ACER3: variants seen among roughly 807,000 people sequenced by gnomAD.
The protein encoded by ACER3 is alkaline ceramidase 3, also known as alkCDase 3.
A neutral mutation model predicts 48.9 loss-of-function variants in ACER3; 16 were observed. That is an observed-to-expected ratio of 0.33 (90% confidence interval 0.22 to 0.50). ACER3 has a LOEUF of 0.50. Among genes scored for constraint, ACER3 ranks in the 20% least tolerant of loss-of-function variants. The pLI is 0.98. For missense variants in ACER3, 227 were observed against 326.0 expected, an observed-to-expected ratio of 0.70 and a Z score of 2.34; for synonymous variants, 109 against 107.8, an observed-to-expected ratio of 1.01 and a Z score of -0.07.
chr11:77,005,994 T>TATATATATATACATATATATATATATATA (rs1272209642), intron 7 of ACER3, among the ~76,000 whole-genome samples: 1 of 82,148 alleles, frequency 1.2e-5, no homozygotes, highest in African/African-American at 4.0e-5. Flanking sequence ...TATATATATT[T>TATATATATATACATATATATATATATATA]TTTTTTTTTT....
At chr11:76,933,033 A>G (rs1243148406) in intron 2 of ACER3, among the ~76,000 whole-genome samples, 1 of 152,036 alleles carries the variant, frequency 6.6e-6, no homozygotes, top group Non-Finnish European at 1.5e-5. Context: ...ATAAGTAGAA[A>G]GGGGGAGGTG....
At chr11:76,930,375 G>T (rs1368602578) in intron 2 of ACER3, among the ~76,000 whole-genome samples, 1 of 152,002 alleles carries the variant, frequency 6.6e-6, no homozygotes, top group Non-Finnish European at 1.5e-5. Flanking sequence ...TATTGATCTT[G>T]CTAGAGGTCT....
At chr11:76,997,322 A>G (rs1424709710) in intron 6 of ACER3, among the ~76,000 whole-genome samples, 1 of 152,160 alleles carries the variant, frequency 6.6e-6, no homozygotes, top group Admixed American at 6.5e-5. Context: ...AGTACTCTGT[A>G]CAGTTCCTAC....
At chr11:76,998,145 A>G (rs112163371) in intron 6 of ACER3, among the ~76,000 whole-genome samples, 61 of 152,264 alleles carry the variant, frequency 4.0e-4, no homozygotes, top group African/African-American at 1.3e-3. Flanking sequence ...ATATTTTCCC[A>G]CCTGGTTCAA....
intron 1 of ACER3, among the ~76,000 whole-genome samples, chr11:76,916,035 A>G (rs1565174958): frequency 6.6e-6 from 1 of 152,258 alleles, no homozygotes; most frequent in South Asian, 2.1e-4. Context: ...GTAATAAATC[A>G]TCTGCATTTT....
At chr11:76,881,054 G>A (rs774072592) in intron 1 of ACER3, among the ~76,000 whole-genome samples, 8 of 151,930 alleles carry the variant, frequency 5.3e-5, no homozygotes, top group South Asian at 2.1e-4. Context: ...CCAGGAGTGC[G>A]AGACCAGCCT....
At chr11:76,961,605 T>C (rs891117278) in intron 3 of ACER3, among the ~76,000 whole-genome samples, 3 of 144,632 alleles carry the variant, frequency 2.1e-5, no homozygotes, top group Admixed American at 6.9e-5. Context: ...CCAGAAAAAA[T>C]GGAAAGGCTC....
chr11:77,023,597 C>T lies in ACER3; in HGVS notation c.*3270C>T, dbSNP rs1949503860. 5.9e-6 allele frequency: 1 copy of T among 170,878 alleles called. No homozygotes were observed. Among genetic ancestry groups the T allele is most frequent in the Non-Finnish European group, 1.2e-5 (1 of 80,888 alleles). The allele number at this position is 170,878 out of a possible 1,614,324, so 10.6% of individuals were successfully genotyped here. On this transcript the variant is annotated 3_prime_UTR_variant, in exon 11 of 11. Coordinates refer to ENST00000532485, the MANE Select transcript of ACER3 (RefSeq NM_018367.7). ...GGTTTATGACGTGCTGCTGGATAAG[C>T]ATTTATGTAAAACTGAGTATTTCAA...
chr11:76,936,748 C>T (rs1418496127), intron 2 of ACER3, among the ~76,000 whole-genome samples: 5 of 147,294 alleles, frequency 3.4e-5, no homozygotes, highest in South Asian at 2.1e-4. Flanking sequence ...GACAGAGTCT[C>T]GCTCTGTCGC....
chr11:76,950,010 AACTCTGCATTGCTATCACTTAGG>A (rs1266200476), intron 2 of ACER3, among the ~76,000 whole-genome samples: 2 of 152,068 alleles, frequency 1.3e-5, no homozygotes, highest in South Asian at 2.1e-4. Context: ...TTGTCTGGTG[AACTCTGCATTGCTATCACTTAGG>A]ACTCTGCTTT....
At chr11:76,992,609 A>G (rs981181134) in intron 6 of ACER3, among the ~76,000 whole-genome samples, 2 of 152,204 alleles carry the variant, frequency 1.3e-5, no homozygotes, top group Non-Finnish European at 2.9e-5. Context: ...AAATGAAGAA[A>G]TAAGGGAATG....
At chr11:77,001,098 G>C (rs2135269110) in intron 7 of ACER3, among the ~76,000 whole-genome samples, 1 of 152,030 alleles carries the variant, frequency 6.6e-6, no homozygotes, top group African/African-American at 2.4e-5. Context: ...GCATTTTGTA[G>C]TTTTCAATTT....
intron 2 of ACER3, among the ~76,000 whole-genome samples, chr11:76,954,658 T>C (rs1590985289): frequency 6.6e-6 from 1 of 151,490 alleles, no homozygotes; most frequent in Non-Finnish European, 1.5e-5. Flanking sequence ...TGGAGTGCAG[T>C]GGCACAATCA....
chr11:76,906,383 T>C (rs889512603), intron 1 of ACER3, among the ~76,000 whole-genome samples: 3 of 152,214 alleles, frequency 2.0e-5, no homozygotes, highest in Non-Finnish European at 4.4e-5. Flanking sequence ...CATTCTGGCA[T>C]TGAGATTCAT....
At chr11:76,962,477 C>T (rs1247912011) in intron 3 of ACER3, among the ~76,000 whole-genome samples, 1 of 151,234 alleles carries the variant, frequency 6.6e-6, no homozygotes. Flanking sequence ...ACCTGGCCTC[C>T]CAAAGTGCTG....
intron 1 of ACER3, among the ~76,000 whole-genome samples, chr11:76,918,914 C>T (rs1334241277): frequency 1.3e-5 from 2 of 152,114 alleles, no homozygotes; most frequent in South Asian, 2.1e-4. Flanking sequence ...TCTGAAGTCT[C>T]TGAAGCTCTG....
chr11:76,971,976 T>C (rs1948319027), intron 3 of ACER3, among the ~76,000 whole-genome samples: 2 of 152,218 alleles, frequency 1.3e-5, no homozygotes, highest in South Asian at 2.1e-4. Context: ...CCTCTACAGA[T>C]GCACATCTCC....
chr11:76,974,208 A>G (rs960205060), intron 3 of ACER3, among the ~76,000 whole-genome samples: 2 of 152,274 alleles, frequency 1.3e-5, no homozygotes, highest in African/African-American at 2.4e-5. Flanking sequence ...GTCCATTTTC[A>G]TATGAATTTT....
intron 1 of ACER3, among the ~76,000 whole-genome samples, chr11:76,893,659 CAGAG>C (rs763817993): frequency 2.0e-5 from 3 of 151,778 alleles, no homozygotes; most frequent in Non-Finnish European, 2.9e-5. Flanking sequence ...TCTCAAAAAA[CAGAG>C]AGAGAGAGAA....
Sources: gnomAD v4.1 joint callset for allele counts (sites outside exome capture counted in the v4.1 genomes callset) on GRCh38, gnomAD v4.1.1 for gene constraint, MANE v1.5 for transcripts, NCBI Gene and HGNC (gene_info 2026-07-23, HGNC 2026-07-21) for gene names.